The following CACNA1C variants were observed in gnomAD, a reference collection of about 807,000 sequenced individuals.
CACNA1C encodes the protein voltage-dependent L-type calcium channel subunit alpha-1C.
Under a neutral mutation model 229.0 loss-of-function variants are expected in CACNA1C, and 30 were observed. That is an observed-to-expected ratio of 0.13 (90% CI 0.10 to 0.18). The LOEUF is 0.18. CACNA1C is among the 10% of genes least tolerant of loss of function. The pLI, the probability that CACNA1C is intolerant of heterozygous loss-of-function variation, is 1.00. For synonymous variants in CACNA1C, 1,114 were observed against 1,132.5 expected, an observed-to-expected ratio of 0.98 and a Z score of 0.33; for missense variants, 1,658 against 2,845.0, an observed-to-expected ratio of 0.58 and a Z score of 9.49.
At chr12:2,112,268 C>T (rs1403121993) in intron 1 of CACNA1C, among the ~76,000 whole-genome samples, 1 of 152,184 alleles carries the variant, frequency 6.6e-6, no homozygotes, top group African/African-American at 2.4e-5. Context: ...AATTCCAATG[C>T]ACTCTTTACA....
At chr12:2,642,387 G>A (rs2093814716) in intron 30 of CACNA1C, among the ~76,000 whole-genome samples, 1 of 152,202 alleles carries the variant, frequency 6.6e-6, no homozygotes, top group Non-Finnish European at 1.5e-5. Flanking sequence ...CCAGACAACT[G>A]ATTGTACCTG....
chr12:2,002,832 A>G (rs2154479598), intron 1 of CACNA1C, among the ~76,000 whole-genome samples: 1 of 152,300 alleles, frequency 6.6e-6, no homozygotes, highest in East Asian at 1.9e-4. Flanking sequence ...TATATTTTTA[A>G]TTACCATGGA....
At position 2,607,121 on chromosome 12, in the gene CACNA1C, G is replaced by A. The variant is rs878854141; in HGVS notation, c.3347G>A (p.Gly1116Glu). 1 of 1,612,094 alleles carries A rather than the reference G, an allele frequency of 6.2e-7. No individual in the cohort carries two copies. Among genetic ancestry groups the A allele is most frequent in the Non-Finnish European group, 8.5e-7 (1 of 1,179,046 alleles). The change falls in exon 26 of 47, where the codon GGG becomes GAG. Residue 1116 changes from glycine to glutamate, a missense_variant. By Grantham distance (98) the Gly-to-Glu change is moderately conservative. Transcript: ENST00000399655. Reference protein sequence around the residue: ...MALFTVSTFEGWPELLYRSID... With the variant: ...MALFTVSTFEEWPELLYRSID... The stretch of plus-strand genomic sequence containing the variant: ...CTCTTCACCGTCTCCACCTTCGAAG[G>A]GTGGCCAGAGTGAGTATGCAAAGCA...
At chr12:2,190,299 C>A (rs1275243074) in intron 3 of CACNA1C, among the ~76,000 whole-genome samples, 1 of 152,116 alleles carries the variant, frequency 6.6e-6, no homozygotes, top group Non-Finnish European at 1.5e-5. Context: ...CCTTGCCAGC[C>A]AGCGTTCTCC....
At chr12:2,461,209 C>G (rs116271331) in intron 5 of CACNA1C, among the ~76,000 whole-genome samples, 1 of 152,334 alleles carries the variant, frequency 6.6e-6, no homozygotes, top group African/African-American at 2.4e-5. Context: ...CGTTACCGCA[C>G]CCAGTGCTCT....
intron 3 of CACNA1C, among the ~76,000 whole-genome samples, chr12:2,239,883 G>GCCAGGGGAGTGGGATGC (rs1444543110): frequency 6.6e-6 from 1 of 152,250 alleles, no homozygotes; most frequent in Non-Finnish European, 1.5e-5. Flanking sequence ...CCACGTGATG[G>GCCAGGGGAGTGGGATGC]CCAGGGGAGT....
intron 3 of CACNA1C, among the ~76,000 whole-genome samples, chr12:2,296,668 A>G (rs1040882340): frequency 2.0e-5 from 3 of 152,330 alleles, no homozygotes; most frequent in East Asian, 3.9e-4. Flanking sequence ...TCTCTACCGT[A>G]GAGCCAAGGA....
chr12:2,200,605 C>A (rs1315395919), intron 3 of CACNA1C, among the ~76,000 whole-genome samples: 2 of 152,158 alleles, frequency 1.3e-5, no homozygotes, highest in African/African-American at 2.4e-5. Context: ...GGCTCCTACT[C>A]CCATGAAGCT....
rs369884962 is a variant in CACNA1C at position 2,597,402 on chromosome 12, T to G, written c.2853+113T>G. 1.3e-6 allele frequency: 2 copies of G among 1,567,302 alleles called. No homozygotes were observed. Among genetic ancestry groups the G allele is most frequent in the African/African-American group, 2.7e-5 (2 of 73,902 alleles). On this transcript the variant is annotated intron_variant, in intron 21 of 46. Coordinates refer to ENST00000399655, the MANE Select transcript of CACNA1C (RefSeq NM_000719.7). This position sits in a 1 kb window ranked among gnomAD's most constrained non-coding sequence, Gnocchi z 4.3. The stretch of plus-strand genomic sequence containing the variant: ...CTTCCTGTTGGTGTGGGGTTCACTC[T>G]CAGAGCCACTAATCCAATTATGCTT...
intron 30 of CACNA1C, among the ~76,000 whole-genome samples, chr12:2,635,119 C>A (rs781105131): frequency 2.6e-5 from 4 of 152,112 alleles, no homozygotes; most frequent in Non-Finnish European, 4.4e-5. Flanking sequence ...TGGAAGCAGG[C>A]CCCATGTGAG....
rs183312599 is a variant in CACNA1C at position 2,678,735 on chromosome 12, G to T, written c.5092-709G>T. ...GTGGCCTCAGGGACATGGCATGGTG[G>T]TGACACAACCCGACAAGACACCAGA... On this transcript the variant is annotated intron_variant, in intron 41 of 46. Coordinates refer to ENST00000399655, the MANE Select transcript of CACNA1C (RefSeq NM_000719.7). This position sits in a 1 kb window ranked among gnomAD's most constrained non-coding sequence, Gnocchi z 4.1. Among the ~76,000 whole-genome samples the T allele has an allele frequency of 1.3e-5, 2 of 152,294 alleles. No homozygotes were observed. The highest frequency in any genetic ancestry group is 3.9e-4 in the East Asian group (2 of 5,168).
chr12:2,285,846 G>T lies in CACNA1C; in HGVS notation c.478-163130G>T, dbSNP rs1268834927. Among the ~76,000 whole-genome samples, 2 of 152,192 alleles carry T rather than the reference G, an allele frequency of 1.3e-5. No homozygotes were observed. Among genetic ancestry groups the T allele is most frequent in the African/African-American group, 4.8e-5 (2 of 41,434 alleles). ...TAGGAATTTACGTTATATGTGCAAG[G>T]AATACCACATGGATGGTAAAGTTCA... On this transcript the variant is annotated intron_variant, in intron 3 of 46. Coordinates refer to ENST00000399655, the MANE Select transcript of CACNA1C (RefSeq NM_000719.7). This position sits in a 1 kb window ranked among gnomAD's most constrained non-coding sequence, Gnocchi z 4.2.
At chr12:2,360,275 C>G (rs946366805) in intron 3 of CACNA1C, among the ~76,000 whole-genome samples, 3 of 150,910 alleles carry the variant, frequency 2.0e-5, no homozygotes, top group Non-Finnish European at 4.4e-5. Context: ...GGAAATGCCT[C>G]CCCCGGATTC....
rs1027095178 is a variant in CACNA1C at position 2,585,004 on chromosome 12, C to T, written c.2340-372C>T. Among the ~76,000 whole-genome samples the T allele has an allele frequency of 8.5e-5, 13 of 152,140 alleles. No homozygotes were observed. The highest frequency in any genetic ancestry group is 1.8e-4 in the Non-Finnish European group (12 of 68,024). ...CATCTCCAGTGTTAGGAAGGCAAGA[C>T]GGGGCCCTATGTTGTATCCTATCAT... is the stretch of plus-strand genomic sequence containing the variant. On this transcript the variant is annotated intron_variant, in intron 16 of 46. Transcript: ENST00000399655. The surrounding 1 kb of genome is among the most constrained non-coding windows in gnomAD (Gnocchi z 4.1).
chr12:2,557,737 C>G (rs985547610), intron 11 of CACNA1C, among the ~76,000 whole-genome samples: 2 of 152,210 alleles, frequency 1.3e-5, no homozygotes, highest in African/African-American at 2.4e-5. Flanking sequence ...CTCAGCTCCC[C>G]CTTCCCTGGT....
At chr12:2,469,003 A>T (rs761305992) in intron 5 of CACNA1C, among the ~76,000 whole-genome samples, 5 of 152,032 alleles carry the variant, frequency 3.3e-5, no homozygotes, top group Admixed American at 1.3e-4. Flanking sequence ...TAGTTAGTTT[A>T]GTTTTGTTTT....
At position 2,633,901 on chromosome 12, in the gene CACNA1C, TCTC is replaced by T. The variant is rs568027221; in HGVS notation, c.3829-390_3829-388del. On this transcript the variant is annotated intron_variant, in intron 29 of 46. Transcript: ENST00000399655. This position sits in a 1 kb window ranked among gnomAD's most constrained non-coding sequence, Gnocchi z 5.8. Reference sequence around the variant, plus strand: ...CTGTGGGGGAAAAAAAGTGGGAGCTTCTCCTCCTTTTTTTCCATTTACCTCAGC... The same window carrying T: ...CTGTGGGGGAAAAAAAGTGGGAGCTTCTCCTTTTTTTCCATTTACCTCAGC... Among the ~76,000 whole-genome samples, 8 of 152,258 alleles carry T rather than the reference TCTC, an allele frequency of 5.3e-5. No homozygotes were observed. In the South Asian group the frequency reaches 1.4e-3, roughly 28 times the overall value.
chr12:2,582,973 G>GGCCCCCAGCCCCCAGCCTGCA (rs1568569995), intron 15 of CACNA1C, 31 bp downstream of exon 15: 1 of 1,491,462 alleles, frequency 6.7e-7, no homozygotes, highest in South Asian at 1.2e-5. Flanking sequence ...CCACCCCTGC[G>GGCCCCCAGCCCCCAGCCTGCA]GCCCCCAGCC....
chr12:2,595,743 G>A lies in CACNA1C; in HGVS notation c.2664-131G>A, dbSNP rs1780962904. 4 of 716,692 alleles carry A rather than the reference G, an allele frequency of 5.6e-6. No individual in the cohort carries two copies. In the South Asian group the frequency reaches 6.2e-5, roughly 11 times the overall value. The allele number at this position is 716,692 out of a possible 1,614,324, so 44.4% of individuals were successfully genotyped here. A position where few individuals can be genotyped will look rare whatever the true frequency, so the allele number is the denominator to read the frequency against. On this transcript the variant is annotated intron_variant, in intron 19 of 46. Transcript: ENST00000399655. The surrounding 1 kb of genome is among the most constrained non-coding windows in gnomAD (Gnocchi z 4.1). ...AGCAGTAAGACTTCAGAATGAAGAG[G>A]TCACTTCAGGCCAACAAGCACCTGT...
Sources: allele counts gnomAD v4.1 joint callset (sites outside exome capture counted in the v4.1 genomes callset), GRCh38; gene constraint gnomAD v4.1.1; non-coding constraint Gnocchi (gnomAD v3.1); transcripts MANE v1.5; gene names NCBI Gene and HGNC (gene_info 2026-07-23, HGNC 2026-07-21).